The following THOC2 variants were observed in gnomAD, a reference collection of about 807,000 sequenced individuals.
THOC2 encodes THO complex subunit 2.
In THOC2, 10 loss-of-function variants were observed where a neutral mutation model predicts 128.4. That is an observed-to-expected ratio of 0.08 (90% CI 0.05 to 0.13). The LOEUF (loss-of-function observed/expected upper bound fraction) is 0.13. THOC2 is among the 10% of genes least tolerant of loss of function. The pLI is 1.00. For missense variants in THOC2, 535 were observed against 1,155.7 expected (o/e 0.46, Z 7.79); for synonymous variants, 393 against 396.9 (o/e 0.99, Z 0.12).
chrX:123,716,567 T>C (rs1006234588), intron 1 of THOC2, among the ~76,000 whole-genome samples: 4 of 109,113 alleles, frequency 3.7e-5, no homozygotes, highest in African/African-American at 1.3e-4. Context: ...CTACTAAAAA[T>C]ACAAAAACAA....
At chrX:123,730,529 G>A (rs752209199) in intron 1 of THOC2, among the ~76,000 whole-genome samples, 72 of 112,346 alleles carry the variant, frequency 6.4e-4, no homozygotes, top group African/African-American at 2.3e-3. Flanking sequence ...ATGACAGATA[G>A]CATGTATTAT....
At chrX:123,656,391 T>G (rs1344015749) in intron 12 of THOC2, among the ~76,000 whole-genome samples, 2 of 103,648 alleles carry the variant, frequency 1.9e-5, no homozygotes, top group Non-Finnish European at 3.9e-5. Flanking sequence ...GCTATTTACT[T>G]CTAGGAGGGA....
chrX:123,608,190 CAGG>C (rs1038846001), intron 38 of THOC2, among the ~76,000 whole-genome samples: 1 of 110,524 alleles, frequency 9.0e-6, no homozygotes, highest in Non-Finnish European at 1.9e-5. Flanking sequence ...CACCTGAGGT[CAGG>C]AGTTCAAGAC....
chrX:123,718,640 T>C (rs772154556), intron 1 of THOC2, among the ~76,000 whole-genome samples: 56 of 110,770 alleles, frequency 5.1e-4, no homozygotes, highest in African/African-American at 1.6e-3. Flanking sequence ...ATGCCTGTAA[T>C]GCCAGCTACT....
Position 123,631,908 on chromosome X carries a change from A to G in THOC2, c.2317-56T>C. The G allele has an allele frequency of 2.9e-6, 3 of 1,049,699 alleles. No individual in the cohort carries two copies. The East Asian group carries it at 9.2e-5, about 32-fold the overall frequency. 86.5% of individuals were successfully genotyped at this position (1,049,699 alleles called of 1,213,427 possible). ...TATTTTCCAAAGTGATTAAGAAGTCATTTTAGGAATATTTTAACAATTAAG... is the reference window on the plus strand; with the variant it reads ...TATTTTCCAAAGTGATTAAGAAGTCGTTTTAGGAATATTTTAACAATTAAG... On this transcript the variant is annotated intron_variant, in intron 21 of 38. Transcript: ENST00000245838.
intron 3 of THOC2, among the ~76,000 whole-genome samples, chrX:123,706,450 T>G (rs1323916787): frequency 9.1e-6 from 1 of 110,233 alleles, no homozygotes; most frequent in Non-Finnish European, 1.9e-5. Context: ...ATACAGGTGC[T>G]GTGTTGGTGT....
chrX:123,652,049 C>T (rs928977492), intron 12 of THOC2, among the ~76,000 whole-genome samples: 2 of 111,471 alleles, frequency 1.8e-5, no homozygotes, highest in Non-Finnish European at 1.9e-5. Flanking sequence ...CTGGCAAAAC[C>T]GAATCCAGCA....
chrX:123,674,065 TTGTG>T (rs1205506916), intron 8 of THOC2, among the ~76,000 whole-genome samples: 1 of 112,206 alleles, frequency 8.9e-6, no homozygotes, highest in Non-Finnish European at 1.9e-5. Context: ...GATTCTGTTG[TTGTG>T]TGTAATGTTC....
chrX:123,646,278 A>C (rs971327918), intron 12 of THOC2, among the ~76,000 whole-genome samples: 16 of 112,061 alleles, frequency 1.4e-4, no homozygotes, highest in African/African-American at 5.2e-4. Context: ...ATGAGCCCCT[A>C]AAGTGATGTT....
chrX:123,647,651 T>C (rs898156513), intron 12 of THOC2, among the ~76,000 whole-genome samples: 1 of 109,227 alleles, frequency 9.2e-6, no homozygotes, highest in African/African-American at 3.3e-5. Context: ...CTGACCAACA[T>C]GGTGAAACCC....
chrX:123,683,847 G>T (rs1273824212), intron 8 of THOC2, among the ~76,000 whole-genome samples: 1 of 110,878 alleles, frequency 9.0e-6, no homozygotes, highest in Non-Finnish European at 1.9e-5. Flanking sequence ...TGACCCACCT[G>T]CCTCGCCCTC....
At chrX:123,719,146 C>G (rs2051570763) in intron 1 of THOC2, among the ~76,000 whole-genome samples, 1 of 107,147 alleles carries the variant, frequency 9.3e-6, no homozygotes, top group African/African-American at 3.4e-5. Context: ...CCACTGCATT[C>G]CAGCCTGGTC....
intron 38 of THOC2, chrX:123,610,096 T>C (rs2046645327): frequency 9.1e-6 from 1 of 110,287 alleles, no homozygotes; most frequent in South Asian, 3.9e-4. Context: ...TCTGGAACCA[T>C]TACATTTAGG....
At chrX:123,671,558 A>C in intron 9 of THOC2, 111 bp downstream of exon 9, 1 of 386,053 alleles carries the variant, frequency 2.6e-6, no homozygotes, top group East Asian at 4.0e-5. Flanking sequence ...AAAGAGTGAG[A>C]CTTGAGAACC....
chrX:123,629,183 T>A (rs1014792009), intron 22 of THOC2, among the ~76,000 whole-genome samples: 1 of 98,199 alleles, frequency 1.0e-5, no homozygotes, highest in African/African-American at 3.8e-5. Flanking sequence ...ATAACATATA[T>A]ATGAACATAT....
At chrX:123,631,543 C>T (rs2047485337) in intron 22 of THOC2, 145 bp downstream of exon 22, 4 of 589,530 alleles carry the variant, frequency 6.8e-6, no homozygotes, top group Non-Finnish European at 1.1e-5. Flanking sequence ...CACACAGCTT[C>T]GTACCCCTAT....
At chrX:123,623,025 T>C in intron 29 of THOC2, 80 bp downstream of exon 29, 1 of 1,013,882 alleles carries the variant, frequency 9.9e-7, no homozygotes, top group Non-Finnish European at 1.3e-6. Context: ...AAGCCAGCAT[T>C]GTACTCGTTC....
Position 123,654,758 on chromosome X carries a change from C to CAAA in THOC2, c.1387-9386_1387-9384dup, listed in dbSNP as rs149260708. Among the ~76,000 whole-genome samples the CAAA allele has an allele frequency of 2.9e-3, 71 of 24,340 alleles. 2 individuals carry two copies. Among genetic ancestry groups the CAAA allele is most frequent in the African/African-American group, 0.012 (56 of 4,785 alleles). The allele number at this position is 24,340 out of a possible 115,157, so 21.1% of individuals were successfully genotyped here. ...TGGGTGACAGAGCTAGACTCCGTCT[C>CAAA]AAAAAAAAAAAAAAAAAAAAAAAAA... On this transcript the variant is annotated intron_variant, in intron 12 of 38. Transcript: ENST00000245838.
At chrX:123,700,227 G>T (rs966563267) in intron 4 of THOC2, among the ~76,000 whole-genome samples, 1 of 109,203 alleles carries the variant, frequency 9.2e-6, no homozygotes, top group Non-Finnish European at 1.9e-5. Flanking sequence ...TCAGCCGGGC[G>T]TGGTAGCTCA....
Sources: gnomAD v4.1 joint callset for allele counts (sites outside exome capture counted in the v4.1 genomes callset) on GRCh38, gnomAD v4.1.1 for gene constraint, MANE v1.5 for transcripts, NCBI Gene and HGNC (gene_info 2026-07-23, HGNC 2026-07-21) for gene names.